STXBP4: variants seen among roughly 807,000 people sequenced by gnomAD.
STXBP4 encodes syntaxin binding protein 4.
STXBP4 carries 55 observed loss-of-function variants against 76.1 expected under a neutral mutation model. That is an observed-to-expected ratio of 0.72 (90% confidence interval 0.58 to 0.91). The LOEUF is 0.91. STXBP4 is among the 40% of genes least tolerant of loss of function. The probability of loss-of-function intolerance (pLI) is 0.00; values close to 1 mark genes in which losing one functional copy is unlikely to be tolerated. For synonymous variants in STXBP4, 201 were observed against 220.2 expected (o/e 0.91, Z 0.77); for missense variants, 618 against 636.9 (o/e 0.97, Z 0.32).
chr17:55,026,905 A>G (rs889685537), intron 8 of STXBP4, among the ~76,000 whole-genome samples: 3 of 152,172 alleles, frequency 2.0e-5, no homozygotes, highest in African/African-American at 4.8e-5. Context: ...TGGCTTTGCA[A>G]GTAGACTGGA....
At chr17:55,143,383 T>G (rs1027901745) in intron 17 of STXBP4, among the ~76,000 whole-genome samples, 2 of 152,204 alleles carry the variant, frequency 1.3e-5, no homozygotes, top group Non-Finnish European at 2.9e-5. Flanking sequence ...GGGGAACTCC[T>G]TTACCTAAAC....
At chr17:55,181,450 T>C in the STXBP4 span, among the ~76,000 whole-genome samples, 2 of 152,240 alleles carry the variant, frequency 1.3e-5, no homozygotes, top group African/African-American at 2.4e-5. Context: ...CACAATTCTT[T>C]TGCTGATATC....
intron 1 of STXBP4, among the ~76,000 whole-genome samples, chr17:54,980,464 GCA>G (rs1238412333): frequency 6.6e-6 from 1 of 152,190 alleles, no homozygotes; most frequent in Non-Finnish European, 1.5e-5. Context: ...AACAATGAAA[GCA>G]CAGATTTACT....
the STXBP4 span, among the ~76,000 whole-genome samples, chr17:55,195,455 T>G: frequency 6.6e-6 from 1 of 152,204 alleles, no homozygotes; most frequent in South Asian, 2.1e-4. Flanking sequence ...TTTAAATTTT[T>G]TATTTATTTT....
intron 8 of STXBP4, among the ~76,000 whole-genome samples, chr17:55,029,584 A>G (rs1025814055): frequency 4.0e-5 from 6 of 151,410 alleles, no homozygotes; most frequent in African/African-American, 9.7e-5. Flanking sequence ...ATGTTATACA[A>G]TGCAAATACT....
chr17:55,204,071 G>A, the STXBP4 span, among the ~76,000 whole-genome samples: 2 of 150,468 alleles, frequency 1.3e-5, no homozygotes, highest in Middle Eastern at 3.4e-3. Context: ...TCTTTTTTTT[G>A]GACTTCAGCT....
chr17:55,035,784 G>A (rs2144703515), intron 10 of STXBP4, among the ~76,000 whole-genome samples: 1 of 151,912 alleles, frequency 6.6e-6, no homozygotes, highest in Non-Finnish European at 1.5e-5. Flanking sequence ...ATTTACCTGG[G>A]AATTTCTGGA....
chr17:55,078,661 C>T (rs1364041801), intron 14 of STXBP4, 25 bp from the exon 15 acceptor site: 2 of 1,445,998 alleles, frequency 1.4e-6, no homozygotes, highest in Non-Finnish European at 1.9e-6. Context: ...TGATATATCT[C>T]CTTCACCATC....
chr17:54,993,524 T>A lies in STXBP4; in HGVS notation c.180+2567T>A, dbSNP rs1390898315. Among the ~76,000 whole-genome samples the A allele has an allele frequency of 2.6e-5, 4 of 152,362 alleles. No homozygotes were observed. In the South Asian group the frequency reaches 8.3e-4, roughly 32 times the overall value. ...AATTTTCTAGTGCTTACATTATTTT[T>A]AAATATTTTCTCAAGATGGAGAGCT... On this transcript the variant is annotated intron_variant, in intron 4 of 17. Transcript: ENST00000376352.
intron 16 of STXBP4, 149 bp downstream of exon 16, chr17:55,081,332 A>G: frequency 1.8e-6 from 1 of 549,734 alleles, no homozygotes; most frequent in Non-Finnish European, 2.8e-6. Context: ...TCATAGGAGG[A>G]GAATATTTCC....
At chr17:55,098,046 G>A (rs2079515266) in intron 16 of STXBP4, among the ~76,000 whole-genome samples, 1 of 152,062 alleles carries the variant, frequency 6.6e-6, no homozygotes, top group Non-Finnish European at 1.5e-5. Context: ...CATTGTCATT[G>A]TGTAAAAGGA....
intron 16 of STXBP4, among the ~76,000 whole-genome samples, chr17:55,102,354 C>T (rs1484776816): frequency 1.3e-5 from 2 of 152,132 alleles, no homozygotes; most frequent in African/African-American, 2.4e-5. Flanking sequence ...TTAACTCCCA[C>T]TTATAAGTGA....
chr17:55,110,643 G>T (rs147634234), intron 16 of STXBP4, among the ~76,000 whole-genome samples: 1 of 152,154 alleles, frequency 6.6e-6, no homozygotes, highest in African/African-American at 2.4e-5. Flanking sequence ...CCTTGTAGCC[G>T]TATTTTCTCT....
At chr17:55,113,161 G>T (rs144604158) in intron 16 of STXBP4, among the ~76,000 whole-genome samples, 188 of 149,740 alleles carry the variant, frequency 1.3e-3, no homozygotes, top group Non-Finnish European at 1.5e-3. Context: ...AAGAAAAATG[G>T]TATAGGATAT....
chr17:55,100,074 C>A (rs141002768), intron 16 of STXBP4, among the ~76,000 whole-genome samples: 1 of 152,068 alleles, frequency 6.6e-6, no homozygotes, highest in South Asian at 2.1e-4. Context: ...CCAGCCCAGG[C>A]ATAAAAGGAG....
chr17:54,970,153 G>A (rs143973443), intron 1 of STXBP4, among the ~76,000 whole-genome samples: 253 of 152,294 alleles, frequency 1.7e-3, no homozygotes, highest in Non-Finnish European at 2.6e-3. Context: ...GTGGAAAGTG[G>A]TAGGAAATGG....
In STXBP4 at chr17:55,007,948, A is replaced by G. The variant is rs540216253; in HGVS notation, c.666+351A>G. Among the ~76,000 whole-genome samples, 44 of 152,360 alleles carry G rather than the reference A, an allele frequency of 2.9e-4. 1 individual carries two copies. Among genetic ancestry groups the G allele is most frequent in the Middle Eastern group, 6.8e-3 (2 of 294 alleles). On this transcript the variant is annotated intron_variant, in intron 8 of 17. Transcript: ENST00000376352. ...ACGAGGCTTCATAATGGCAATAAACACAATCAAGTAATAGTCCATTATTCA... is the reference window on the plus strand; with the variant it reads ...ACGAGGCTTCATAATGGCAATAAACGCAATCAAGTAATAGTCCATTATTCA...
At chr17:55,154,237 C>A (rs1212251363) in intron 17 of STXBP4, among the ~76,000 whole-genome samples, 6 of 152,134 alleles carry the variant, frequency 3.9e-5, no homozygotes. Flanking sequence ...TTCTTAAAAA[C>A]CCTGACCCAC....
intron 8 of STXBP4, among the ~76,000 whole-genome samples, chr17:55,028,798 T>C (rs1158209074): frequency 1.3e-5 from 2 of 151,856 alleles, no homozygotes; most frequent in East Asian, 1.9e-4. Context: ...AAATACAACA[T>C]TGACAAAATA....
Sources: gnomAD v4.1 joint callset for allele counts (sites outside exome capture counted in the v4.1 genomes callset) on GRCh38, gnomAD v4.1.1 for gene constraint, MANE v1.5 for transcripts, NCBI Gene and HGNC (gene_info 2026-07-23, HGNC 2026-07-21) for gene names.